SH3BP5: variants seen among roughly 807,000 people sequenced by gnomAD.
The protein encoded by SH3BP5 is SH3 domain-binding protein 5.
Under a neutral mutation model 43.3 loss-of-function variants are expected in SH3BP5, and 22 were observed. The observed-to-expected ratio is 0.51, with a 90% CI of 0.36 to 0.73. The LOEUF (loss-of-function observed/expected upper bound fraction) is 0.73. SH3BP5 is among the 30% of genes least tolerant of loss of function. The pLI, the probability that SH3BP5 is intolerant of heterozygous loss-of-function variation, is 0.00. For missense variants in SH3BP5, 529 were observed against 586.9 expected (o/e 0.90, Z 1.02); for synonymous variants, 255 against 225.8 (o/e 1.13, Z -1.16).
At chr3:15,310,097 A>G (rs776687115) in intron 2 of SH3BP5, among the ~76,000 whole-genome samples, 2 of 152,140 alleles carry the variant, frequency 1.3e-5, no homozygotes, top group African/African-American at 2.4e-5. Flanking sequence ...GTGATGTGAC[A>G]GGGCCTGGCC....
chr3:15,322,433 A>G (rs1276702883), intron 2 of SH3BP5, among the ~76,000 whole-genome samples: 1 of 152,192 alleles, frequency 6.6e-6, no homozygotes, highest in Non-Finnish European at 1.5e-5. Context: ...AGAATCTTAC[A>G]TGTTCATGAG....
At chr3:15,306,054 T>TAAAAAAAAAAAAA (rs60186514) in intron 2 of SH3BP5, among the ~76,000 whole-genome samples, 4 of 137,038 alleles carry the variant, frequency 2.9e-5, no homozygotes, top group African/African-American at 8.6e-5. Flanking sequence ...TGCATGAGTT[T>TAAAAAAAAAAAAA]AAAAAAAAAA....
chr3:15,261,493 G>A (rs984644586), intron 5 of SH3BP5, among the ~76,000 whole-genome samples: 11 of 152,142 alleles, frequency 7.2e-5, no homozygotes, highest in Non-Finnish European at 1.6e-4. Flanking sequence ...TGGAGAACAG[G>A]CATTCAGTAG....
At chr3:15,294,329 G>GTGTGTGTGTGTATGTA (rs1697506868) in intron 3 of SH3BP5, among the ~76,000 whole-genome samples, 1 of 134,208 alleles carries the variant, frequency 7.5e-6, no homozygotes, top group African/African-American at 3.2e-5. Context: ...GTGTGTGTGT[G>GTGTGTGTGTGTATGTA]TGCGCGCGCA....
At chr3:15,334,240 G>T (rs77681458), upstream of SH3BP5, among the ~76,000 whole-genome samples, 717 of 152,200 alleles carry the variant, frequency 4.7e-3, 5 homozygotes, top group African/African-American at 0.016. Context: ...CTTATTTTTT[G>T]GAGATCTGGG....
chr3:15,299,059 G>T (rs1392204181), intron 3 of SH3BP5, among the ~76,000 whole-genome samples: 1 of 152,194 alleles, frequency 6.6e-6, no homozygotes, highest in Non-Finnish European at 1.5e-5. Flanking sequence ...GAAGGGTTGG[G>T]ACTGATAGTG....
At chr3:15,304,280 T>C (rs759692693) in intron 2 of SH3BP5, 49 bp from the exon 3 acceptor site, 2 of 1,613,444 alleles carry the variant, frequency 1.2e-6, no homozygotes, top group Non-Finnish European at 1.7e-6. Context: ...TAAGAAGGGA[T>C]CTGCAAACAC....
chr3:15,294,849 G>A (rs1297803202), intron 3 of SH3BP5, among the ~76,000 whole-genome samples: 1 of 152,080 alleles, frequency 6.6e-6, no homozygotes, highest in Non-Finnish European at 1.5e-5. Flanking sequence ...GAGGCGTAAG[G>A]CACCCTCAGC....
intron 6 of SH3BP5, chr3:15,259,397 A>C: frequency 2.0e-6 from 1 of 512,440 alleles, no homozygotes. Context: ...CTTGCATCAA[A>C]ATCCCCTTGG....
In SH3BP5 at chr3:15,254,663, T is replaced by G. The variant is rs775195943; in HGVS notation, c.*1423A>C. The stretch of plus-strand genomic sequence containing the variant: ...CTGTGTCTCCTCATTGCCCACAGCT[T>G]TAGCAACAGCAAAAGTAGAATTCAA... On this transcript the variant is annotated 3_prime_UTR_variant, in exon 9 of 9. Transcript: ENST00000383791. 1 of 152,240 alleles carries G rather than the reference T, an allele frequency of 6.6e-6. No individual in the cohort carries two copies. The highest frequency in any genetic ancestry group is 1.5e-5 in the Non-Finnish European group (1 of 68,040). The allele number at this position is 152,240 out of a possible 1,614,324, so 9.4% of individuals were successfully genotyped here. A position where few individuals can be genotyped will look rare whatever the true frequency, so the allele number is the denominator to read the frequency against.
chr3:15,273,218 G>A, intron 3 of SH3BP5: 1 of 985,258 alleles, frequency 1.0e-6, no homozygotes, highest in Non-Finnish European at 1.2e-6. Context: ...TTTCAATTCA[G>A]CAACATTTAA....
chr3:15,335,880 G>A (rs994153800), upstream of SH3BP5, among the ~76,000 whole-genome samples: 1 of 152,208 alleles, frequency 6.6e-6, no homozygotes, highest in African/African-American at 2.4e-5. Flanking sequence ...TGGGGGCAGG[G>A]GATCAAAGGA....
Position 15,255,185 on chromosome 3 carries a change from C to CTGTT in SH3BP5, c.*897_*900dup, listed in dbSNP as rs1354311540. The CTGTT allele has an allele frequency of 6.6e-6, 1 of 152,630 alleles. No individual in the cohort carries two copies. Among genetic ancestry groups the CTGTT allele is most frequent in the Non-Finnish European group, 1.5e-5 (1 of 68,042 alleles). The allele number at this position is 152,630 out of a possible 1,614,324, so 9.5% of individuals were successfully genotyped here. ...TACTCCCTTTCCTAACTTTAAAGAACTGTTTCCTCTAAGGAATACTAGTGC... is the reference window on the plus strand; with the variant it reads ...TACTCCCTTTCCTAACTTTAAAGAACTGTTTGTTTCCTCTAAGGAATACTAGTGC... On this transcript the variant is annotated 3_prime_UTR_variant, in exon 9 of 9. Coordinates refer to ENST00000383791, the MANE Select transcript of SH3BP5 (RefSeq NM_004844.5).
In SH3BP5 at chr3:15,254,704, G is replaced by A. The variant is rs1036797628; in HGVS notation, c.*1382C>T. 3.9e-5 allele frequency: 6 copies of A among 152,250 alleles called. No individual in the cohort carries two copies. The highest frequency in any genetic ancestry group is 9.6e-5 in the African/African-American group (4 of 41,548). The allele number at this position is 152,250 out of a possible 1,614,324, so 9.4% of individuals were successfully genotyped here. A position where few individuals can be genotyped will look rare whatever the true frequency, so the allele number is the denominator to read the frequency against. On this transcript the variant is annotated 3_prime_UTR_variant, in exon 9 of 9. Transcript: ENST00000383791. ...TAGAATTCAAACCTTGGTAAACAAG[G>A]CTTAAATTATTACTGTTCATGACCT... is the stretch of plus-strand genomic sequence containing the variant.
intron 1 of SH3BP5, among the ~76,000 whole-genome samples, chr3:15,337,620 C>A (rs911334403): frequency 1.3e-5 from 2 of 152,046 alleles, no homozygotes; most frequent in African/African-American, 4.8e-5. Flanking sequence ...CCTCATGAAA[C>A]CTGGGCCCCA....
intron 4 of SH3BP5, among the ~76,000 whole-genome samples, chr3:15,262,987 A>G (rs1293404260): frequency 6.6e-6 from 1 of 152,162 alleles, no homozygotes; most frequent in African/African-American, 2.4e-5. Context: ...AGATATCTAT[A>G]TCTAGATATA....
intron 3 of SH3BP5, among the ~76,000 whole-genome samples, chr3:15,295,581 C>T (rs557697202): frequency 2.6e-5 from 4 of 152,246 alleles, no homozygotes; most frequent in East Asian, 3.9e-4. Context: ...AAAATGCTTG[C>T]GTTAGATGAG....
rs191279339 is a variant in SH3BP5 at position 15,332,454 on chromosome 3, C to A, written c.-46G>T. On this transcript the variant is annotated 5_prime_UTR_variant, in exon 1 of 9. Coordinates refer to ENST00000383791, the MANE Select transcript of SH3BP5 (RefSeq NM_004844.5). Reference sequence around the variant, plus strand: ...CCGCGCAGTGGGCTCCGGAGCGCCCCGGGGGTCGCGGCTGCCACAGGCTGG... The same window carrying A: ...CCGCGCAGTGGGCTCCGGAGCGCCCAGGGGGTCGCGGCTGCCACAGGCTGG... The A allele has an allele frequency of 2.8e-3, 4,145 of 1,467,032 alleles. 102 individuals are homozygous for A. In the African/African-American group the frequency reaches 0.05, roughly 18 times the overall value. 90.9% of individuals were successfully genotyped at this position (1,467,032 alleles called of 1,614,324 possible). A position where few individuals can be genotyped will look rare whatever the true frequency, so the allele number is the denominator to read the frequency against.
intron 2 of SH3BP5, among the ~76,000 whole-genome samples, chr3:15,318,665 C>T (rs965400978): frequency 2.0e-5 from 3 of 151,976 alleles, no homozygotes; most frequent in Admixed American, 6.6e-5. Context: ...CAGGTTCAAA[C>T]GATTCTTGTG....
Sources: allele counts gnomAD v4.1 joint callset (sites outside exome capture counted in the v4.1 genomes callset), GRCh38; gene constraint gnomAD v4.1.1; transcripts MANE v1.5; gene names NCBI Gene and HGNC (gene_info 2026-07-23, HGNC 2026-07-21).